The following CR1L variants were observed in gnomAD, a reference collection of about 807,000 sequenced individuals.
The protein encoded by CR1L is complement C3b/C4b receptor 1 like, also known as complement component receptor 1-like protein.
Under a neutral mutation model 62.3 loss-of-function variants are expected in CR1L, and 59 were observed. That is an observed-to-expected ratio of 0.95 (90% CI 0.77 to 1.18). The LOEUF is 1.18. Ranked by LOEUF, CR1L falls within the 50% of genes most tolerant of loss-of-function variation. CR1L has a pLI of 0.00. For synonymous variants in CR1L, 279 were observed against 248.7 expected, an observed-to-expected ratio of 1.12 and a Z score of -1.15; for missense variants, 700 against 702.8, an observed-to-expected ratio of 1.00 and a Z score of 0.04.
intron 9 of CR1L, among the ~76,000 whole-genome samples, chr1:207,704,445 G>T (rs1664239711): frequency 6.6e-6 from 1 of 152,230 alleles, no homozygotes; most frequent in Non-Finnish European, 1.5e-5. Flanking sequence ...TGATAAAGCA[G>T]CAGCAGTATC....
At position 207,650,986 on chromosome 1, in the gene CR1L, C is replaced by T. The variant is rs547489413; in HGVS notation, c.97+5656C>T. On this transcript the variant is annotated intron_variant, in intron 1 of 11. Coordinates refer to ENST00000508064, the MANE Select transcript of CR1L (RefSeq NM_175710.2). ...ATTTTTAGTAGAAATGGGGTTTCAC[C>T]ATGTTAGCCAGGATGGTCTCTATCT... 3.9e-5 allele frequency among the ~76,000 whole-genome samples: 6 copies of T among 152,100 alleles called. No homozygotes were observed. In the East Asian group the frequency reaches 9.7e-4, roughly 25 times the overall value.
chr1:207,683,068 TTCTC>T (rs1332694065), intron 3 of CR1L, among the ~76,000 whole-genome samples: 1 of 149,026 alleles, frequency 6.7e-6, no homozygotes, highest in African/African-American at 2.5e-5. Context: ...CTTTCTTTCT[TTCTC>T]TTTCTTTCTT....
intron 1 of CR1L, among the ~76,000 whole-genome samples, chr1:207,649,886 G>A (rs1663195839): frequency 1.3e-5 from 2 of 152,202 alleles, no homozygotes; most frequent in African/African-American, 4.8e-5. Flanking sequence ...TAGGTATGGA[G>A]ACCTATTTAG....
chr1:207,720,192 C>T, intron 11 of CR1L, among the ~76,000 whole-genome samples: 1 of 152,190 alleles, frequency 6.6e-6, no homozygotes, highest in East Asian at 1.9e-4. Context: ...TCTCTCTGAA[C>T]TAAGACTCAG....
In CR1L at chr1:207,673,121, A is replaced by T. The variant is rs537238932; in HGVS notation, c.98-4268A>T. Among the ~76,000 whole-genome samples the T allele has an allele frequency of 4.6e-5, 7 of 152,358 alleles. No individual in the cohort carries two copies. The South Asian group carries it at 1.4e-3, about 32-fold the overall frequency. On this transcript the variant is annotated intron_variant, in intron 1 of 11. Coordinates refer to ENST00000508064, the MANE Select transcript of CR1L (RefSeq NM_175710.2). ...TGATCACAACTTGATGAAACCAAAAAATCTAGAAAGTATCATGAAGACAGT... is the reference window on the plus strand; with the variant it reads ...TGATCACAACTTGATGAAACCAAAATATCTAGAAAGTATCATGAAGACAGT...
intron 10 of CR1L, among the ~76,000 whole-genome samples, chr1:207,716,089 G>A (rs572581562): frequency 2.6e-4 from 40 of 152,140 alleles, no homozygotes; most frequent in Non-Finnish European, 5.3e-4. Flanking sequence ...GGCTTCCCAT[G>A]TGCTAGGACT....
intron 1 of CR1L, chr1:207,669,597 G>T: frequency 7.8e-7 from 1 of 1,275,200 alleles, no homozygotes; most frequent in African/African-American, 1.5e-5. Context: ...GGAGGCGCCC[G>T]GGCTGACGAG....
At chr1:207,678,095 T>A in intron 2 of CR1L, 103 bp from the exon 3 acceptor site, 1 of 993,536 alleles carries the variant, frequency 1.0e-6, no homozygotes, top group South Asian at 1.4e-5. Flanking sequence ...CCATCAGAAC[T>A]GCATGTGTTC....
In CR1L at chr1:207,697,979, C is replaced by CACAT. The variant is rs1300637403; in HGVS notation, c.1142+109_1142+110insTACA. On this transcript the variant is annotated intron_variant, in intron 7 of 11. Coordinates refer to ENST00000508064, the MANE Select transcript of CR1L (RefSeq NM_175710.2). ...TTAAAAAAAGACAGACAGACAGACA[C>CACAT]ACACACACACACACACAATCAGAGA... 6 of 1,404,958 alleles carry CACAT rather than the reference C, an allele frequency of 4.3e-6. No homozygotes were observed. The African/African-American group carries it at 5.7e-5, about 13-fold the overall frequency. 87.0% of individuals were successfully genotyped at this position (1,404,958 alleles called of 1,614,324 possible).
At chr1:207,710,394 G>A (rs139274528) in intron 10 of CR1L, 1 of 1,506,644 alleles carries the variant, frequency 6.6e-7, no homozygotes, top group Non-Finnish European at 9.2e-7. Context: ...ATTCCTTGTG[G>A]GCTACCCCCC....
chr1:207,701,611 A>T lies in CR1L; in HGVS notation c.1321A>T (p.Thr441Ser). 2 of 1,613,754 alleles carry T rather than the reference A, an allele frequency of 1.2e-6. No individual in the cohort carries two copies. Among genetic ancestry groups the T allele is most frequent in the Non-Finnish European group, 1.7e-6 (2 of 1,179,712 alleles). Residue 441 changes from threonine to serine, a missense_variant, in exon 9 of 12, where the codon ACT becomes TCT. Transcript: ENST00000508064. Reference protein sequence around the residue: ...HVGSRINYSCTTGHRLIGHSS... With the variant: ...HVGSRINYSCSTGHRLIGHSS... ...TGGATCCAGAATCAACTATTCTTGT[A>T]CTACAGGGTGAGTTGGCAGCAACAT...
chr1:207,717,698 A>G lies in CR1L; in HGVS notation c.1642+7A>G. On this transcript the variant is annotated splice_region_variant and intron_variant, in intron 11 of 11. Transcript: ENST00000508064. ...GAACTTCCTGTTGGTGCTGGTCAGT[A>G]TCCGCTTCCACATATCCTAAATGGG... 1 of 1,613,924 alleles carries G rather than the reference A, an allele frequency of 6.2e-7. No individual in the cohort carries two copies. The highest frequency in any genetic ancestry group is 8.5e-7 in the Non-Finnish European group (1 of 1,179,804).
intron 1 of CR1L, among the ~76,000 whole-genome samples, chr1:207,676,970 T>C (rs1663701266): frequency 6.6e-6 from 1 of 152,168 alleles, no homozygotes; most frequent in South Asian, 2.1e-4. Flanking sequence ...TGGCTATTAG[T>C]GAAGTCTTCT....
chr1:207,714,266 A>G (rs527809561), intron 10 of CR1L, among the ~76,000 whole-genome samples: 2 of 152,214 alleles, frequency 1.3e-5, no homozygotes, highest in African/African-American at 4.8e-5. Flanking sequence ...GTTGGTGAGT[A>G]TGCAAAAAAG....
chr1:207,708,596 C>T lies in CR1L; in HGVS notation c.1414+333C>T, dbSNP rs372700701. ...CAAATACAAAGTCAGTGAAAGAAAC[C>T]GCATATCCTCTCTGCAAGCTGTTAG... On this transcript the variant is annotated intron_variant, in intron 10 of 11. Coordinates refer to ENST00000508064, the MANE Select transcript of CR1L (RefSeq NM_175710.2). Among the ~76,000 whole-genome samples, 11 of 152,250 alleles carry T rather than the reference C, an allele frequency of 7.2e-5. No individual in the cohort carries two copies. In the East Asian group the frequency reaches 1.5e-3, roughly 21 times the overall value.
intron 1 of CR1L, among the ~76,000 whole-genome samples, 154 bp downstream of exon 1, chr1:207,645,484 C>A (rs531542216): frequency 6.6e-6 from 1 of 152,272 alleles, no homozygotes; most frequent in East Asian, 1.9e-4. Context: ...GTGCTCAGAT[C>A]CCGGGGGTAT....
At chr1:207,710,145 A>T (rs1189917221) in intron 10 of CR1L, among the ~76,000 whole-genome samples, 2 of 152,136 alleles carry the variant, frequency 1.3e-5, no homozygotes, top group African/African-American at 4.8e-5. Flanking sequence ...GGAGTTCAAG[A>T]CCAGCATGGC....
chr1:207,694,300 C>A, intron 4 of CR1L, 53 bp from the exon 5 acceptor site: 1 of 1,596,754 alleles, frequency 6.3e-7, no homozygotes, highest in South Asian at 1.1e-5. Flanking sequence ...TTTAGTGACT[C>A]GTGAGATTTT....
Sources: gnomAD v4.1 joint callset for allele counts (sites outside exome capture counted in the v4.1 genomes callset) on GRCh38, gnomAD v4.1.1 for gene constraint, MANE v1.5 for transcripts, NCBI Gene and HGNC (gene_info 2026-07-23, HGNC 2026-07-21) for gene names.